Variants in ARHGEF7 observed in about 807,000 individuals in gnomAD.
ARHGEF7 encodes PAK-interacting exchange factor beta.
In ARHGEF7, 33 loss-of-function variants were observed where a neutral mutation model predicts 109.8. The observed-to-expected ratio is 0.30, with a 90% confidence interval of 0.23 to 0.40. ARHGEF7 has a LOEUF of 0.40. ARHGEF7 is among the 10% of genes least tolerant of loss of function. ARHGEF7 has a pLI of 1.00. For missense variants in ARHGEF7, 938 were observed against 1,098.5 expected, an observed-to-expected ratio of 0.85 and a Z score of 2.07; for synonymous variants, 458 against 424.6, an observed-to-expected ratio of 1.08 and a Z score of -0.97.
intron 2 of ARHGEF7, among the ~76,000 whole-genome samples, chr13:111,195,980 G>T (rs1214826996): frequency 5.3e-5 from 8 of 152,120 alleles, no homozygotes; most frequent in African/African-American, 1.9e-4. Flanking sequence ...TTTGTTCAGG[G>T]CCCAGGGCTT....
intron 2 of ARHGEF7, among the ~76,000 whole-genome samples, chr13:111,191,106 G>A (rs1362224701): frequency 6.6e-6 from 1 of 152,168 alleles, no homozygotes; most frequent in Non-Finnish European, 1.5e-5. Flanking sequence ...GGTCATGCAG[G>A]GAGTATGTTT....
Position 111,280,361 on chromosome 13 carries a change from CA to C in ARHGEF7, c.1585+13del, listed in dbSNP as rs758328648. 7 of 1,612,104 alleles carry C rather than the reference CA, an allele frequency of 4.3e-6. No homozygotes were observed. The highest frequency in any genetic ancestry group is 2.7e-5 in the African/African-American group (2 of 74,826). On this transcript the variant is annotated intron_variant, in intron 14 of 21. Transcript: ENST00000646102. ...CATTTGAAATATCAGGTGATAGGCA[CA>C]AGCTGTGTGAGTGCTGTGTCTCGGG...
In ARHGEF7 at chr13:111,205,327, T is replaced by A; in HGVS notation, c.291T>A (p.Phe97Leu). 1 of 1,602,204 alleles carries A rather than the reference T, an allele frequency of 6.2e-7. No homozygotes were observed. Among genetic ancestry groups the A allele is most frequent in the Non-Finnish European group, 8.5e-7 (1 of 1,177,392 alleles). The change falls in exon 3 of 22, where the codon TTT becomes TTA. Residue 97 changes from phenylalanine to leucine, a missense_variant. This residue lies in a region of ARHGEF7 where 585 missense variants were observed against 723.6 expected (regional missense o/e 0.81). Coordinates refer to ENST00000646102, the MANE Select transcript of ARHGEF7 (RefSeq NM_001354046.2). The part of the protein sequence containing the change: ...DANDLYQGQN[F>L]NKVLSSLVTL... ...ATGATTTGTATCAGGGGCAGAATTT[T>A]AACAAGGTCCTCAGTTCCTTAGTGA...
At chr13:111,147,355 T>C (rs1278293762) in intron 1 of ARHGEF7, among the ~76,000 whole-genome samples, 1 of 152,236 alleles carries the variant, frequency 6.6e-6, no homozygotes, top group Non-Finnish European at 1.5e-5. Flanking sequence ...ACACTTGATA[T>C]ATTGTCAGCC....
At chr13:111,170,188 C>T (rs1230620297) in intron 2 of ARHGEF7, among the ~76,000 whole-genome samples, 3 of 152,196 alleles carry the variant, frequency 2.0e-5, no homozygotes, top group African/African-American at 7.2e-5. Flanking sequence ...ACCTCTGCCT[C>T]CTGGGATCAA....
At chr13:111,277,795 A>G (rs2092571118) in intron 13 of ARHGEF7, 122 bp downstream of exon 13, 3 of 639,190 alleles carry the variant, frequency 4.7e-6, no homozygotes, top group East Asian at 2.8e-5. Flanking sequence ...GTAGTGCTGT[A>G]TATTCAGATA....
chr13:111,201,978 A>G (rs1166748763), intron 2 of ARHGEF7, among the ~76,000 whole-genome samples: 4 of 152,232 alleles, frequency 2.6e-5, no homozygotes, highest in Admixed American at 6.5e-5. Flanking sequence ...TATTGAGAGC[A>G]AAATACCAAA....
At chr13:111,222,078 G>C (rs2084501712) in intron 5 of ARHGEF7, among the ~76,000 whole-genome samples, 1 of 152,118 alleles carries the variant, frequency 6.6e-6, no homozygotes, top group Non-Finnish European at 1.5e-5. Flanking sequence ...GGGTGGGTCT[G>C]CCTTTCCCAG....
At chr13:111,147,924 C>G (rs1202180498) in intron 1 of ARHGEF7, among the ~76,000 whole-genome samples, 2 of 152,014 alleles carry the variant, frequency 1.3e-5, no homozygotes, top group Non-Finnish European at 2.9e-5. Flanking sequence ...GTCTCGATCT[C>G]CTGACCTCGT....
At chr13:111,276,195 C>T (rs759800767) in intron 12 of ARHGEF7, among the ~76,000 whole-genome samples, 3 of 152,144 alleles carry the variant, frequency 2.0e-5, no homozygotes, top group Non-Finnish European at 4.4e-5. Flanking sequence ...CAGTGAAAAT[C>T]GAGCAGTTTG....
intron 1 of ARHGEF7, among the ~76,000 whole-genome samples, chr13:111,142,634 C>T (rs2075400634): frequency 6.6e-6 from 1 of 152,230 alleles, no homozygotes; most frequent in South Asian, 2.1e-4. Flanking sequence ...CCTGCCCTCT[C>T]TTCCTATCCT....
At chr13:111,206,778 G>A (rs994073234) in intron 3 of ARHGEF7, among the ~76,000 whole-genome samples, 1 of 151,714 alleles carries the variant, frequency 6.6e-6, no homozygotes, top group Non-Finnish European at 1.5e-5. Context: ...TGGCTAACAC[G>A]GTGAAACCCC....
At chr13:111,186,694 G>C (rs1428736221) in intron 2 of ARHGEF7, 1 of 429,566 alleles carries the variant, frequency 2.3e-6, no homozygotes, top group Non-Finnish European at 3.1e-6. Context: ...CCACACTCCA[G>C]AGCTGTGCTA....
chr13:111,303,975 T>C lies in ARHGEF7; in HGVS notation c.*862T>C, dbSNP rs746096147. On this transcript the variant is annotated 3_prime_UTR_variant, in exon 22 of 22. Coordinates refer to ENST00000646102, the MANE Select transcript of ARHGEF7 (RefSeq NM_001354046.2). ...CTCAAAGAGAGATCTTACTAGAACC[T>C]GTAAATAGAATGTATTATTTATTAT... 6.6e-6 allele frequency: 1 copy of C among 152,262 alleles called. No homozygotes were observed. The highest frequency in any genetic ancestry group is 1.5e-5 in the Non-Finnish European group (1 of 68,050). 9.4% of individuals were successfully genotyped at this position (152,262 alleles called of 1,614,324 possible). A position where few individuals can be genotyped will look rare whatever the true frequency, so the allele number is the denominator to read the frequency against.
chr13:111,243,350 C>G (rs1041716978), intron 6 of ARHGEF7, among the ~76,000 whole-genome samples: 3 of 152,190 alleles, frequency 2.0e-5, no homozygotes, highest in South Asian at 4.1e-4. Context: ...AATACAGAAC[C>G]TATGTATCAC....
intron 1 of ARHGEF7, among the ~76,000 whole-genome samples, chr13:111,124,500 C>T (rs1040824740): frequency 6.6e-6 from 1 of 152,216 alleles, no homozygotes; most frequent in African/African-American, 2.4e-5. Flanking sequence ...ATGTTCTGGC[C>T]TCTTTGGTTC....
At chr13:111,137,675 T>C (rs1248313356) in intron 1 of ARHGEF7, among the ~76,000 whole-genome samples, 2 of 152,160 alleles carry the variant, frequency 1.3e-5, no homozygotes, top group African/African-American at 4.8e-5. Flanking sequence ...TTTCTGTGCA[T>C]AATTTTTTAA....
At chr13:111,149,554 G>C (rs1002921467) in intron 1 of ARHGEF7, among the ~76,000 whole-genome samples, 1 of 152,178 alleles carries the variant, frequency 6.6e-6, no homozygotes, top group African/African-American at 2.4e-5. Context: ...CGAAGACTCT[G>C]GCCAGAACAT....
At position 111,236,522 on chromosome 13, in the gene ARHGEF7, G is replaced by C. The variant is rs572730374; in HGVS notation, c.759+3229G>C. Among the ~76,000 whole-genome samples, 11 of 152,262 alleles carry C rather than the reference G, an allele frequency of 7.2e-5. 1 individual carries two copies. The South Asian group carries it at 2.3e-3, about 32-fold the overall frequency. On this transcript the variant is annotated intron_variant, in intron 6 of 21. Transcript: ENST00000646102. ...TGTGTCTTGCTCAGTGACTCACCTAGAGCACTTCTGTAGTTTATCTTCCCA... is the reference window on the plus strand; with the variant it reads ...TGTGTCTTGCTCAGTGACTCACCTACAGCACTTCTGTAGTTTATCTTCCCA...
Sources: gnomAD v4.1 joint callset for allele counts (sites outside exome capture counted in the v4.1 genomes callset) on GRCh38, gnomAD v4.1.1 for gene constraint, gnomAD v4.1.1 regional missense constraint, MANE v1.5 for transcripts, NCBI Gene and HGNC (gene_info 2026-07-23, HGNC 2026-07-21) for gene names.